P2RY2: variants seen among roughly 807,000 people sequenced by gnomAD.
P2RY2 encodes the protein purinergic receptor P2Y2.
For synonymous variants in P2RY2, 241 were observed against 231.9 expected (o/e 1.04, Z -0.35); for missense variants, 567 against 515.7 (o/e 1.10, Z -0.96).
intron 1 of P2RY2, among the ~76,000 whole-genome samples, chr11:73,224,980 A>G (rs903108690): frequency 6.6e-6 from 1 of 152,214 alleles, no homozygotes; most frequent in African/African-American, 2.4e-5. Flanking sequence ...TTACCACTGG[A>G]AAGAGGAGAA....
Position 73,236,773 on chromosome 11 carries a change from G to C in P2RY2, c.*1480G>C. ...GGGAAAATCCCAGAATGGCAGGGTG[G>C]TGCTCAGGCTGGGTCAGGACTTAGT... On this transcript the variant is annotated 3_prime_UTR_variant, in exon 3 of 3. Coordinates refer to ENST00000393597, the MANE Select transcript of P2RY2 (RefSeq NM_002564.4). 1.0e-6 allele frequency: 1 copy of C among 985,384 alleles called. No individual in the cohort carries two copies. Among genetic ancestry groups the C allele is most frequent in the African/African-American group, 1.7e-5 (1 of 57,354 alleles). The allele number at this position is 985,384 out of a possible 1,614,324, so 61.0% of individuals were successfully genotyped here.
chr11:73,219,795 G>A (rs1862067994), intron 1 of P2RY2, among the ~76,000 whole-genome samples: 1 of 152,170 alleles, frequency 6.6e-6, no homozygotes, highest in Non-Finnish European at 1.5e-5. Context: ...TCTCTGATAA[G>A]CCCTCCTACT....
Position 73,235,433 on chromosome 11 carries a change from G to T in P2RY2, c.*140G>T, listed in dbSNP as rs1211304728. On this transcript the variant is annotated 3_prime_UTR_variant, in exon 3 of 3. Transcript: ENST00000393597. ...CCCCATGCTCCGTCATTTGACAGGG[G>T]CTCAGGATATTCACTCTGTGGTCCA... 60 of 1,435,786 alleles carry T rather than the reference G, an allele frequency of 4.2e-5. No homozygotes were observed. Among genetic ancestry groups the T allele is most frequent in the Non-Finnish European group, 5.0e-5 (55 of 1,094,066 alleles). The allele number at this position is 1,435,786 out of a possible 1,614,324, so 88.9% of individuals were successfully genotyped here.
intron 2 of P2RY2, among the ~76,000 whole-genome samples, chr11:73,229,238 G>A (rs1862376903): frequency 6.6e-6 from 1 of 152,170 alleles, no homozygotes; most frequent in Admixed American, 6.5e-5. Flanking sequence ...ACAATGGGGT[G>A]CAGTGTGGGT....
intron 1 of P2RY2, among the ~76,000 whole-genome samples, chr11:73,220,147 G>A (rs1862077163): frequency 2.0e-5 from 3 of 152,188 alleles, no homozygotes; most frequent in Admixed American, 2.0e-4. Flanking sequence ...GGCTGCAGGG[G>A]AGCTCCATGT....
rs529406725 is a variant in P2RY2, at chr11:73,239,527, C to T, written c.*4234C>T. 6.6e-6 allele frequency: 1 copy of T among 152,268 alleles called. No individual in the cohort carries two copies. The highest frequency in any genetic ancestry group is 6.5e-5 in the Admixed American group (1 of 15,288). The allele number at this position is 152,268 out of a possible 1,614,324, so 9.4% of individuals were successfully genotyped here. A position where few individuals can be genotyped will look rare whatever the true frequency, so the allele number is the denominator to read the frequency against. ...CAGCAGGGTAGCCATTTCTCCCTGA[C>T]TGGGGTGTCCACCATGGTGCTCTGC... On this transcript the variant is annotated 3_prime_UTR_variant, in exon 3 of 3. Transcript: ENST00000393597.
chr11:73,220,938 A>T (rs947850), intron 1 of P2RY2, among the ~76,000 whole-genome samples: 17,506 of 152,072 alleles, frequency 0.12, 1,308 homozygotes, highest in African/African-American at 0.2. Context: ...TAATGGCTAT[A>T]GTCTTTAGAG....
intron 2 of P2RY2, among the ~76,000 whole-genome samples, chr11:73,229,796 C>T (rs1184813447): frequency 3.9e-5 from 6 of 151,996 alleles, no homozygotes; most frequent in Non-Finnish European, 8.8e-5. Context: ...TTTATGTTGA[C>T]TGTGAAGGGA....
rs1477248529 is a variant in P2RY2, at chr11:73,239,139, A to G, written c.*3846A>G. 2 of 152,292 alleles carry G rather than the reference A, an allele frequency of 1.3e-5. No homozygotes were observed. Among genetic ancestry groups the G allele is most frequent in the Non-Finnish European group, 2.9e-5 (2 of 68,068 alleles). 9.4% of individuals were successfully genotyped at this position (152,292 alleles called of 1,614,324 possible). A position where few individuals can be genotyped will look rare whatever the true frequency, so the allele number is the denominator to read the frequency against. On this transcript the variant is annotated 3_prime_UTR_variant, in exon 3 of 3. Coordinates refer to ENST00000393597, the MANE Select transcript of P2RY2 (RefSeq NM_002564.4). ...GCACCAGGCCGGGGGCTATGGAGGC[A>G]AATCAGCTGGGCCCTGCCCTCACAG...
rs1862719516 is a variant in P2RY2 at position 73,239,005 on chromosome 11, C to CCCAG, written c.*3712_*3713insCCAG. 1 of 152,258 alleles carries CCCAG rather than the reference C, an allele frequency of 6.6e-6. No homozygotes were observed. The highest frequency in any genetic ancestry group is 1.5e-5 in the Non-Finnish European group (1 of 68,064). The allele number at this position is 152,258 out of a possible 1,614,324, so 9.4% of individuals were successfully genotyped here. A position where few individuals can be genotyped will look rare whatever the true frequency, so the allele number is the denominator to read the frequency against. On this transcript the variant is annotated 3_prime_UTR_variant, in exon 3 of 3. Transcript: ENST00000393597. Reference sequence around the variant, plus strand: ...TTGCAGCACCTCAGTTTTCCCATTTCTAAAGTGTGCTGCTACCTTCCATGC... The same window carrying CCCAG: ...TTGCAGCACCTCAGTTTTCCCATTTCCCAGTAAAGTGTGCTGCTACCTTCCATGC...
chr11:73,234,297 T>C lies in P2RY2; in HGVS notation c.138T>C (p.Pro46=). The C allele has an allele frequency of 6.2e-7, 1 of 1,613,814 alleles. No homozygotes were observed. The change falls in exon 3 of 3, where the codon CCT becomes CCC. Residue 46 remains proline, a synonymous_variant. Transcript: ENST00000393597. ...TGTCCTACGGCGTGGTGTGCGTGCC[T>C]GGGCTGTGTCTGAACGCCGTGGCGC... The part of the protein sequence containing the change: ...LPVSYGVVCV[P]GLCLNAVALY...
In P2RY2 at chr11:73,237,656, C is replaced by A. The variant is rs574888801; in HGVS notation, c.*2363C>A. Among the ~76,000 whole-genome samples, 5 of 152,336 alleles carry A rather than the reference C, an allele frequency of 3.3e-5. No homozygotes were observed. In the East Asian group the frequency reaches 9.7e-4, roughly 29 times the overall value. On this transcript the variant is annotated 3_prime_UTR_variant, in exon 3 of 3. Coordinates refer to ENST00000393597, the MANE Select transcript of P2RY2 (RefSeq NM_002564.4). ...GGAGGGGCTCGTTCACCATCTAATCCTGTGGCAGGCACAGGTGGGGGTGGA... is the reference window on the plus strand; with the variant it reads ...GGAGGGGCTCGTTCACCATCTAATCATGTGGCAGGCACAGGTGGGGGTGGA...
Position 73,237,338 on chromosome 11 carries a change from C to G in P2RY2, c.*2045C>G, listed in dbSNP as rs1862678410. 6.6e-6 allele frequency among the ~76,000 whole-genome samples: 1 copy of G among 152,076 alleles called. No homozygotes were observed. The highest frequency in any genetic ancestry group is 6.5e-5 in the Admixed American group (1 of 15,276). On this transcript the variant is annotated 3_prime_UTR_variant, in exon 3 of 3. Coordinates refer to ENST00000393597, the MANE Select transcript of P2RY2 (RefSeq NM_002564.4). ...CTTGGCTCACTGCAACTCTCTGCCT[C>G]CCGGGTTCAAGCAATTCTCCTGCCT...
Position 73,235,147 on chromosome 11 carries a change from AC to A in P2RY2, c.992del (p.Pro331ArgfsTer19). ...GCCACCCACTGGCCCCAGCCCTGCCACCCCGGCTCGCCGCAGGCTGGGCCTG... is the reference window on the plus strand; with the variant it reads ...GCCACCCACTGGCCCCAGCCCTGCCACCCGGCTCGCCGCAGGCTGGGCCTG... ...AKPPTGPSPA[T>X]PARRRLGLRR... On this transcript the variant is annotated frameshift_variant, in exon 3 of 3. Transcript: ENST00000393597. LOFTEE classifies it low-confidence loss of function (END_TRUNC). The A allele has an allele frequency of 6.2e-7, 1 of 1,608,972 alleles. No individual in the cohort carries two copies. The highest frequency in any genetic ancestry group is 8.5e-7 in the Non-Finnish European group (1 of 1,179,218).
At position 73,239,106 on chromosome 11, in the gene P2RY2, T is replaced by C. The variant is rs1359665027; in HGVS notation, c.*3813T>C. ...GTGCCTGGTGTGTGGTCAGCATTTA[T>C]ATGCCTGGCACCAGGCCGGGGGCTA... On this transcript the variant is annotated 3_prime_UTR_variant, in exon 3 of 3. Transcript: ENST00000393597. The C allele has an allele frequency of 6.6e-6, 1 of 152,276 alleles. No individual in the cohort carries two copies. The highest frequency in any genetic ancestry group is 6.5e-5 in the Admixed American group (1 of 15,286). 9.4% of individuals were successfully genotyped at this position (152,276 alleles called of 1,614,324 possible).
intron 1 of P2RY2, among the ~76,000 whole-genome samples, chr11:73,224,100 G>T (rs373531576): frequency 6.6e-6 from 1 of 152,210 alleles, no homozygotes; most frequent in African/African-American, 2.4e-5. Context: ...CAACAGCACC[G>T]GCTGATAGCA....
chr11:73,228,701 C>G (rs1280501861), intron 2 of P2RY2, among the ~76,000 whole-genome samples: 1 of 152,186 alleles, frequency 6.6e-6, no homozygotes, highest in Non-Finnish European at 1.5e-5. Context: ...TCCAGGTGGA[C>G]CAGAACCCCT....
intron 1 of P2RY2, 99 bp downstream of exon 1, chr11:73,218,531 G>C (rs568656861): frequency 6.5e-6 from 1 of 152,858 alleles, no homozygotes; most frequent in East Asian, 1.9e-4. Context: ...GGGCAGGGGA[G>C]GGCGCTGTGG....
intron 2 of P2RY2, among the ~76,000 whole-genome samples, chr11:73,231,709 C>T (rs1862464889): frequency 2.6e-5 from 4 of 152,062 alleles, no homozygotes. Context: ...GTAGAGGTTG[C>T]AGGCCCTGCA....
Sources: gnomAD v4.1 joint callset for allele counts (sites outside exome capture counted in the v4.1 genomes callset) on GRCh38, gnomAD v4.1.1 for gene constraint, MANE v1.5 for transcripts, NCBI Gene and HGNC (gene_info 2026-07-23, HGNC 2026-07-21) for gene names.